FRMD3: variants seen among roughly 807,000 people sequenced by gnomAD.
FRMD3 encodes FERM domain containing 3.
FRMD3 carries 33 observed loss-of-function variants against 70.2 expected under a neutral mutation model. That is an observed-to-expected ratio of 0.47 (90% confidence interval 0.36 to 0.63). The LOEUF (loss-of-function observed/expected upper bound fraction) is 0.63, where lower values mean the gene tolerates loss of function less well. Among genes scored for constraint, FRMD3 ranks in the 20% least tolerant of loss-of-function variants. FRMD3 has a pLI of 0.00. For synonymous variants in FRMD3, 279 were observed against 255.9 expected (o/e 1.09, Z -0.86); for missense variants, 632 against 711.4 (o/e 0.89, Z 1.27).
intron 1 of FRMD3, among the ~76,000 whole-genome samples, chr9:83,459,036 C>T (rs1211229578): frequency 6.6e-6 from 1 of 152,138 alleles, no homozygotes; most frequent in East Asian, 1.9e-4. Flanking sequence ...TAATTGGACC[C>T]ACCCAATAGA....
At chr9:83,365,004 G>T (rs537082209) in intron 3 of FRMD3, among the ~76,000 whole-genome samples, 1 of 152,162 alleles carries the variant, frequency 6.6e-6, no homozygotes, top group African/African-American at 2.4e-5. Flanking sequence ...CACATTTCTG[G>T]CTCTATATCT....
chr9:83,367,512 C>T (rs973481768), intron 3 of FRMD3, among the ~76,000 whole-genome samples: 2 of 152,220 alleles, frequency 1.3e-5, no homozygotes, highest in South Asian at 4.1e-4. Context: ...CAAAGGACCC[C>T]GCTAAACTAG....
chr9:83,516,301 A>G (rs1317311727), intron 1 of FRMD3, among the ~76,000 whole-genome samples: 1 of 152,182 alleles, frequency 6.6e-6, no homozygotes, highest in Non-Finnish European at 1.5e-5. Context: ...AAAGAAAAAA[A>G]AAAAAGCAGG....
intron 10 of FRMD3, among the ~76,000 whole-genome samples, chr9:83,300,790 AAAGAT>A (rs760727458): frequency 5.3e-5 from 8 of 152,226 alleles, no homozygotes; most frequent in East Asian, 1.9e-4. Flanking sequence ...CTTTCCTAAT[AAAGAT>A]AAGTGAATGT....
At chr9:83,356,483 A>G (rs1295594788) in intron 3 of FRMD3, among the ~76,000 whole-genome samples, 2 of 151,558 alleles carry the variant, frequency 1.3e-5, no homozygotes, top group Non-Finnish European at 2.9e-5. Context: ...TCACCGTGTT[A>G]GCCAGGATGG....
chr9:83,440,412 A>G (rs184352389), intron 1 of FRMD3, among the ~76,000 whole-genome samples: 58 of 152,302 alleles, frequency 3.8e-4, no homozygotes, highest in African/African-American at 1.3e-3. Context: ...TGGATCCCTA[A>G]TTCTTCTTCT....
intron 1 of FRMD3, among the ~76,000 whole-genome samples, chr9:83,456,076 C>T (rs1482003852): frequency 6.6e-6 from 1 of 152,168 alleles, no homozygotes; most frequent in African/African-American, 2.4e-5. Context: ...TAGTAACCTG[C>T]CCATAGGTAA....
chr9:83,421,375 C>T (rs79878255), intron 1 of FRMD3, among the ~76,000 whole-genome samples: 5,829 of 152,282 alleles, frequency 0.038, 201 homozygotes, highest in East Asian at 0.16. Flanking sequence ...GAATCCTCAT[C>T]ATGGCCTTGC....
chr9:83,459,416 T>C (rs1827908141), intron 1 of FRMD3, among the ~76,000 whole-genome samples: 1 of 152,250 alleles, frequency 6.6e-6, no homozygotes, highest in Admixed American at 6.5e-5. Flanking sequence ...ATTTCAGCCA[T>C]GTCTGGGTGG....
chr9:83,244,621 AT>A lies in FRMD3; in HGVS notation c.*3296del, dbSNP rs1303505304. ...AAATAAAACTGAATGATTGCAAAAAATTTTACCCCAGAGTATTTTTATTAGG... is the reference window on the plus strand; with the variant it reads ...AAATAAAACTGAATGATTGCAAAAAATTTACCCCAGAGTATTTTTATTAGG... On this transcript the variant is annotated 3_prime_UTR_variant, in exon 14 of 14. Coordinates refer to ENST00000304195, the MANE Select transcript of FRMD3 (RefSeq NM_174938.6). 1.0e-6 allele frequency: 1 copy of A among 978,030 alleles called. No individual in the cohort carries two copies. The highest frequency in any genetic ancestry group is 1.2e-6 in the Non-Finnish European group (1 of 823,384). 60.6% of individuals were successfully genotyped at this position (978,030 alleles called of 1,614,324 possible). A position where few individuals can be genotyped will look rare whatever the true frequency, so the allele number is the denominator to read the frequency against.
At chr9:83,535,652 C>T (rs983569938) in intron 1 of FRMD3, among the ~76,000 whole-genome samples, 1 of 151,712 alleles carries the variant, frequency 6.6e-6, no homozygotes, top group South Asian at 2.1e-4. Flanking sequence ...CTATCGTTAG[C>T]GTTAGTGTAT....
chr9:83,394,253 T>C (rs1193392092), intron 1 of FRMD3, among the ~76,000 whole-genome samples: 1 of 152,178 alleles, frequency 6.6e-6, no homozygotes, highest in Non-Finnish European at 1.5e-5. Flanking sequence ...TATGGCAGGA[T>C]ACTTGGCATA....
Position 83,248,110 on chromosome 9 carries a change from C to T in FRMD3, c.1602G>A (p.Val534=), listed in dbSNP as rs1461164096. The part of the protein sequence containing the change: ...LVKSFSRLLV[V]GLGLLLFVFP... ...ATACAAAGAGCAGCAGTCCCAGGCC[C>T]ACCACAAGGAGCCTGGAAAAACTCT... is the stretch of plus-strand genomic sequence containing the variant. Residue 534 remains valine, a synonymous_variant, in exon 14 of 14, where the codon GTG becomes GTA. Coordinates refer to ENST00000304195, the MANE Select transcript of FRMD3 (RefSeq NM_174938.6). The T allele has an allele frequency of 3.1e-6, 5 of 1,614,190 alleles. No homozygotes were observed. Among genetic ancestry groups the T allele is most frequent in the South Asian group, 2.2e-5 (2 of 91,090 alleles).
intron 1 of FRMD3, among the ~76,000 whole-genome samples, chr9:83,443,065 C>T (rs1827350415): frequency 6.6e-6 from 1 of 152,116 alleles, no homozygotes; most frequent in South Asian, 2.1e-4. Flanking sequence ...GAAATGTTAG[C>T]AATGAATATC....
intron 13 of FRMD3, among the ~76,000 whole-genome samples, chr9:83,255,688 A>C (rs1832674217): frequency 6.6e-6 from 1 of 152,220 alleles, no homozygotes. Context: ...CTCAGGATAT[A>C]AAATCAATGT....
At chr9:83,396,763 C>A (rs1825821289) in intron 1 of FRMD3, among the ~76,000 whole-genome samples, 1 of 152,216 alleles carries the variant, frequency 6.6e-6, no homozygotes, top group Non-Finnish European at 1.5e-5. Flanking sequence ...AACTGTCAAT[C>A]AGTTAATGTG....
At position 83,294,558 on chromosome 9, in the gene FRMD3, A is replaced by C. The variant is rs144340912; in HGVS notation, c.1071-3831T>G. On this transcript the variant is annotated intron_variant, in intron 12 of 13. Coordinates refer to ENST00000304195, the MANE Select transcript of FRMD3 (RefSeq NM_174938.6). ...GAATGGCTATCTTCTTTTCATTTGCAAAGTTGTTTGTATAAACTTTACCTC... is the reference window on the plus strand; with the variant it reads ...GAATGGCTATCTTCTTTTCATTTGCCAAGTTGTTTGTATAAACTTTACCTC... Among the ~76,000 whole-genome samples, 14 of 152,324 alleles carry C rather than the reference A, an allele frequency of 9.2e-5. No individual in the cohort carries two copies. The East Asian group carries it at 2.5e-3, about 27-fold the overall frequency.
chr9:83,350,789 A>C (rs1399331897), intron 3 of FRMD3: 1 of 947,966 alleles, frequency 1.1e-6, no homozygotes, highest in African/African-American at 1.8e-5. Context: ...TTTGCCTCAA[A>C]TATCCAGAAC....
At chr9:83,550,986 T>G in the FRMD3 span, among the ~76,000 whole-genome samples, 902 of 152,286 alleles carry the variant, frequency 5.9e-3, 3 homozygotes, top group Non-Finnish European at 8.9e-3. Context: ...CTTGCCTGAT[T>G]GCTCTGGCTA....
Sources: gnomAD v4.1 joint callset for allele counts (sites outside exome capture counted in the v4.1 genomes callset) on GRCh38, gnomAD v4.1.1 for gene constraint, MANE v1.5 for transcripts, NCBI Gene and HGNC (gene_info 2026-07-23, HGNC 2026-07-21) for gene names.